STAG1: variants seen among roughly 807,000 people sequenced by gnomAD.
STAG1 encodes the protein STAG1 cohesin complex component.
In STAG1, 26 loss-of-function variants were observed where a neutral mutation model predicts 170.9. The ratio of observed to expected loss-of-function variants is 0.15; its 90% CI spans 0.11 to 0.21. The LOEUF (loss-of-function observed/expected upper bound fraction) is 0.21. Among genes scored for constraint, STAG1 ranks in the 10% least tolerant of loss-of-function variants. The pLI, the probability that STAG1 is intolerant of heterozygous loss-of-function variation, is 1.00. For synonymous variants in STAG1, 514 were observed against 497.7 expected (o/e 1.03, Z -0.44); for missense variants, 964 against 1,509.5 (o/e 0.64, Z 5.99).
chr3:136,674,154 A>AGAGGGAGAGAGGGAGG (rs1184220677), intron 1 of STAG1, among the ~76,000 whole-genome samples: 1 of 13,104 alleles, frequency 7.6e-5, no homozygotes, highest in Non-Finnish European at 1.3e-4. Flanking sequence ...AGGGAGGGAG[A>AGAGGGAGAGAGGGAGG]GAGGGAGGGA....
At chr3:136,485,510 A>G (rs554107816) in intron 9 of STAG1, among the ~76,000 whole-genome samples, 2 of 152,202 alleles carry the variant, frequency 1.3e-5, no homozygotes, top group Non-Finnish European at 2.9e-5. Context: ...CTAGACCTAC[A>G]TAATACTGAA....
chr3:136,725,251 G>C (rs1231362051), intron 1 of STAG1, among the ~76,000 whole-genome samples: 1 of 151,594 alleles, frequency 6.6e-6, no homozygotes, highest in Non-Finnish European at 1.5e-5. Context: ...CTCTTCAGTA[G>C]GCAAGAACTA....
At chr3:136,576,088 C>T (rs992228001) in intron 4 of STAG1, among the ~76,000 whole-genome samples, 2 of 152,018 alleles carry the variant, frequency 1.3e-5, no homozygotes, top group African/African-American at 2.4e-5. Context: ...AAAAACCCCA[C>T]GAAACAATTT....
intron 1 of STAG1, among the ~76,000 whole-genome samples, chr3:136,685,953 A>G (rs1267759063): frequency 2.0e-5 from 3 of 152,182 alleles, no homozygotes; most frequent in Admixed American, 2.0e-4. Flanking sequence ...GGAAAGATAA[A>G]TGTTATGTAT....
intron 6 of STAG1, among the ~76,000 whole-genome samples, chr3:136,531,258 C>G (rs1464132474): frequency 6.7e-6 from 1 of 149,368 alleles, no homozygotes; most frequent in African/African-American, 2.5e-5. Flanking sequence ...AGTCAGGAAA[C>G]AACAGGTGCT....
At chr3:136,588,003 A>G (rs1474263571) in intron 4 of STAG1, among the ~76,000 whole-genome samples, 1 of 152,208 alleles carries the variant, frequency 6.6e-6, no homozygotes, top group African/African-American at 2.4e-5. Context: ...ACTTAACACA[A>G]TATTAGGTCA....
At chr3:136,517,626 G>A (rs1210721900) in intron 7 of STAG1, among the ~76,000 whole-genome samples, 6 of 151,662 alleles carry the variant, frequency 4.0e-5, no homozygotes, top group Admixed American at 3.9e-4. Flanking sequence ...GAACTTAAAA[G>A]GAAAATATTC....
At chr3:136,696,644 C>T (rs1942900951) in intron 1 of STAG1, among the ~76,000 whole-genome samples, 1 of 152,016 alleles carries the variant, frequency 6.6e-6, no homozygotes, top group African/African-American at 2.4e-5. Context: ...TTTTTGTGAA[C>T]CCTCTATACT....
intron 14 of STAG1, among the ~76,000 whole-genome samples, chr3:136,448,868 G>A (rs1173745824): frequency 6.6e-6 from 1 of 152,006 alleles, no homozygotes; most frequent in Admixed American, 6.5e-5. Flanking sequence ...GAACCCAGGA[G>A]GCAGAGGTTG....
intron 9 of STAG1, among the ~76,000 whole-genome samples, chr3:136,485,050 G>A (rs964949301): frequency 2.0e-5 from 3 of 152,138 alleles, no homozygotes; most frequent in African/African-American, 2.4e-5. Flanking sequence ...CGTCGCTCAC[G>A]CTGGGAGCTG....
chr3:136,439,433 CACACACACAA>C (rs371074073), intron 15 of STAG1, among the ~76,000 whole-genome samples: 4,086 of 131,096 alleles, frequency 0.031, 93 homozygotes, highest in Non-Finnish European at 0.037. Flanking sequence ...CACACACACA[CACACACACAA>C]ACACTGTAAG....
intron 3 of STAG1, among the ~76,000 whole-genome samples, chr3:136,608,853 G>C (rs1939106939): frequency 6.8e-6 from 1 of 147,390 alleles, no homozygotes; most frequent in South Asian, 2.2e-4. Flanking sequence ...GTTGCTACTA[G>C]AGTACCTTTG....
chr3:136,384,055 C>T (rs1159714651), intron 22 of STAG1, among the ~76,000 whole-genome samples: 1 of 151,756 alleles, frequency 6.6e-6, no homozygotes, highest in Non-Finnish European at 1.5e-5. Context: ...ATAACAAAAG[C>T]AGTCTGCCTC....
At chr3:136,464,134 C>A (rs1406236732) in intron 13 of STAG1, among the ~76,000 whole-genome samples, 2 of 151,486 alleles carry the variant, frequency 1.3e-5, no homozygotes. Flanking sequence ...TAAAATAATC[C>A]TGATCATGGC....
intron 3 of STAG1, among the ~76,000 whole-genome samples, chr3:136,620,327 A>C (rs1939788304): frequency 6.6e-6 from 1 of 152,230 alleles, no homozygotes; most frequent in Non-Finnish European, 1.5e-5. Context: ...TAGTTGATAG[A>C]AAATGTCCAA....
At chr3:136,705,838 T>C (rs971890871) in intron 1 of STAG1, among the ~76,000 whole-genome samples, 7 of 152,190 alleles carry the variant, frequency 4.6e-5, no homozygotes, top group African/African-American at 1.7e-4. Context: ...CAACATATTA[T>C]CAGGCTAAAA....
chr3:136,613,698 G>C (rs1366829553), intron 3 of STAG1, among the ~76,000 whole-genome samples: 1 of 152,056 alleles, frequency 6.6e-6, no homozygotes, highest in African/African-American at 2.4e-5. Context: ...TGTTGGCCAG[G>C]CTGGTCTCGA....
At chr3:136,545,865 T>C (rs1371867662) in intron 5 of STAG1, among the ~76,000 whole-genome samples, 1 of 152,252 alleles carries the variant, frequency 6.6e-6, no homozygotes, top group Non-Finnish European at 1.5e-5. Flanking sequence ...ACAGTCCTTG[T>C]GGGGGAGGAA....
chr3:136,421,918 A>G (rs748469814), intron 19 of STAG1, among the ~76,000 whole-genome samples: 5 of 152,084 alleles, frequency 3.3e-5, no homozygotes, highest in Non-Finnish European at 5.9e-5. Context: ...TGGGAGGCTG[A>G]GGTGGGCGGA....
Sources: gnomAD v4.1 joint callset for allele counts (sites outside exome capture counted in the v4.1 genomes callset) on GRCh38, gnomAD v4.1.1 for gene constraint, MANE v1.5 for transcripts, NCBI Gene and HGNC (gene_info 2026-07-23, HGNC 2026-07-21) for gene names.